The following ATXN7L1 variants were observed in gnomAD, a reference collection of about 807,000 sequenced individuals.
ATXN7L1 encodes ataxin 7 like 1.
In ATXN7L1, 15 loss-of-function variants were observed where a neutral mutation model predicts 70.8. The ratio of observed to expected loss-of-function variants is 0.21; its 90% CI spans 0.14 to 0.33. The LOEUF (loss-of-function observed/expected upper bound fraction) is 0.33, where lower values mean the gene tolerates loss of function less well. ATXN7L1 is among the 10% of genes least tolerant of loss of function. ATXN7L1 has a pLI of 1.00. For missense variants in ATXN7L1, 975 were observed against 1,097.1 expected (o/e 0.89, Z 1.57); for synonymous variants, 440 against 445.1 (o/e 0.99, Z 0.14).
chr7:105,665,104 G>C lies in ATXN7L1; in HGVS notation c.540C>G (p.His180Gln). 18 of 1,551,616 alleles carry C rather than the reference G, an allele frequency of 1.2e-5. No individual in the cohort carries two copies. The highest frequency in any genetic ancestry group is 1.6e-5 in the Non-Finnish European group (18 of 1,146,992). The change falls in exon 4 of 12, where the codon CAC (histidine) becomes CAG (glutamine). Residue 180 changes from histidine to glutamine, a missense_variant. His to Gln is a conservative substitution (Grantham distance 24). Around this residue, in one of 5 missense-constraint regions of ATXN7L1, gnomAD observed 192 missense variants for 215.5 expected, o/e 0.89. Transcript: ENST00000419735. ...DNLLTSSSKQHTVFPAKGSRD... is the reference protein window; with the variant it reads ...DNLLTSSSKQQTVFPAKGSRD... ...TTGATCCTTTCGCAGGAAAGACTGT[G>C]TGCTGTTTGCTGCTGGAGGTAAGTA...
intron 3 of ATXN7L1, chr7:105,761,389 G>C (rs1800520020): frequency 8.7e-6 from 14 of 1,614,004 alleles, no homozygotes; most frequent in Non-Finnish European, 1.1e-5. Flanking sequence ...CACACCTGAT[G>C]CTTCTCTATG....
chr7:105,843,633 G>A (rs1020341632), intron 2 of ATXN7L1, among the ~76,000 whole-genome samples: 3 of 152,200 alleles, frequency 2.0e-5, no homozygotes, highest in African/African-American at 7.2e-5. Flanking sequence ...ACGGGCCACT[G>A]GCCACCACTG....
intron 2 of ATXN7L1, among the ~76,000 whole-genome samples, chr7:105,801,729 G>A (rs981389911): frequency 1.1e-4 from 16 of 152,128 alleles, no homozygotes; most frequent in Admixed American, 3.9e-4. Flanking sequence ...TGCTGGAGCC[G>A]AATGGAACTG....
chr7:105,620,421 A>T, intron 8 of ATXN7L1, 100 bp from the exon 9 acceptor site: 2 of 1,280,028 alleles, frequency 1.6e-6, no homozygotes, highest in South Asian at 3.2e-5. Context: ...ACAAGGGCAC[A>T]GTTTTACTCA....
chr7:105,668,485 T>A (rs1803000795), intron 3 of ATXN7L1, among the ~76,000 whole-genome samples: 1 of 152,146 alleles, frequency 6.6e-6, no homozygotes, highest in Admixed American at 6.5e-5. Flanking sequence ...GCAACCTCCC[T>A]CAAGAGTTTC....
At chr7:105,803,108 C>T (rs960499434) in intron 2 of ATXN7L1, among the ~76,000 whole-genome samples, 4 of 152,246 alleles carry the variant, frequency 2.6e-5, no homozygotes, top group African/African-American at 4.8e-5. Flanking sequence ...GTGTCAAATC[C>T]GTCAGCCAGC....
intron 8 of ATXN7L1, among the ~76,000 whole-genome samples, chr7:105,622,132 G>T (rs1790055): frequency 0.95 from 145,212 of 152,274 alleles, 69,611 homozygotes; most frequent in East Asian, 1. Flanking sequence ...TACAAACAAT[G>T]ATTTAATGTA....
intron 2 of ATXN7L1, among the ~76,000 whole-genome samples, chr7:105,846,753 C>T (rs1814105430): frequency 6.6e-6 from 1 of 152,150 alleles, no homozygotes; most frequent in Admixed American, 6.5e-5. Context: ...GTAGCATATC[C>T]TACAGTGGAA....
At chr7:105,829,565 T>C (rs1811317247) in intron 2 of ATXN7L1, among the ~76,000 whole-genome samples, 1 of 152,168 alleles carries the variant, frequency 6.6e-6, no homozygotes, top group Non-Finnish European at 1.5e-5. Flanking sequence ...AATTTTATGG[T>C]GATTTACTTA....
At chr7:105,659,636 C>A (rs1801262282) in intron 4 of ATXN7L1, among the ~76,000 whole-genome samples, 1 of 152,166 alleles carries the variant, frequency 6.6e-6, no homozygotes, top group Admixed American at 6.5e-5. Context: ...GGACTGAATG[C>A]TGTGGAGACA....
rs541646435 is a variant in ATXN7L1 at position 105,663,733 on chromosome 7, T to C, written c.578+1333A>G. Among the ~76,000 whole-genome samples, 3 of 152,188 alleles carry C rather than the reference T, an allele frequency of 2.0e-5. No homozygotes were observed. In the East Asian group the frequency reaches 5.8e-4, roughly 29 times the overall value. On this transcript the variant is annotated intron_variant, in intron 4 of 11. Transcript: ENST00000419735. ...CCTTTTCTGACTTTTTAGTAAGGGC[T>C]GAGATAACAAAATGAATTAAAAGCC...
intron 7 of ATXN7L1, among the ~76,000 whole-genome samples, chr7:105,635,671 C>CT (rs1230629109): frequency 6.6e-6 from 1 of 152,300 alleles, no homozygotes. Context: ...ACTCAAGTTC[C>CT]TTTTTTAGCA....
At chr7:105,706,275 C>A (rs971705046) in intron 3 of ATXN7L1, among the ~76,000 whole-genome samples, 2 of 139,872 alleles carry the variant, frequency 1.4e-5, no homozygotes, top group Non-Finnish European at 3.2e-5. Flanking sequence ...CCCACTGCAA[C>A]CTCTGCCTCC....
chr7:105,614,690 G>A lies in ATXN7L1; in HGVS notation c.1644C>T (p.Ile548=). ...TGTAAGAAGAGGTGAGCCTCGAGCT[G>A]ATGGGAGCTGAAGGAAGATACACAG... ...PSAVYLPSAP[I]SSRLTSSYIM... is the part of the protein sequence containing the mutation. The change falls in exon 10 of 12, where the codon ATC becomes ATT. Residue 548 remains isoleucine, a synonymous_variant. Transcript: ENST00000419735. This position sits in a 1 kb window ranked among gnomAD's most constrained non-coding sequence, Gnocchi z 4.3. 6.4e-7 allele frequency: 1 copy of A among 1,551,752 alleles called. No individual in the cohort carries two copies. The highest frequency in any genetic ancestry group is 8.7e-7 in the Non-Finnish European group (1 of 1,147,020).
chr7:105,610,222 T>G (rs1413287171), intron 11 of ATXN7L1, among the ~76,000 whole-genome samples: 1 of 152,222 alleles, frequency 6.6e-6, no homozygotes, highest in Admixed American at 6.5e-5. Context: ...CTAACACTTG[T>G]GGGTTTACTG....
rs189727364 is a variant in ATXN7L1 at position 105,655,921 on chromosome 7, T to C, written c.578+9145A>G. On this transcript the variant is annotated intron_variant, in intron 4 of 11. Coordinates refer to ENST00000419735, the MANE Select transcript of ATXN7L1 (RefSeq NM_020725.2). Reference sequence around the variant, plus strand: ...AGGCCAGGGAGCCTGCTGATTTTTCTTTTGCTTTGGCTCATTTTCCTCCTG... The same window carrying C: ...AGGCCAGGGAGCCTGCTGATTTTTCCTTTGCTTTGGCTCATTTTCCTCCTG... Among the ~76,000 whole-genome samples the C allele has an allele frequency of 3.3e-5, 5 of 152,376 alleles. No individual in the cohort carries two copies. The East Asian group carries it at 5.8e-4, about 18-fold the overall frequency.
At chr7:105,752,774 C>G (rs1031402745) in intron 3 of ATXN7L1, among the ~76,000 whole-genome samples, 4 of 152,178 alleles carry the variant, frequency 2.6e-5, no homozygotes, top group Non-Finnish European at 5.9e-5. Context: ...TGCCTTCCTC[C>G]TGTCTGTCTT....
chr7:105,727,647 C>A (rs761909984), intron 3 of ATXN7L1, among the ~76,000 whole-genome samples: 7 of 128,874 alleles, frequency 5.4e-5, no homozygotes, highest in Admixed American at 8.3e-5. Context: ...CCAGCCTGGG[C>A]GACAAGAGTG....
chr7:105,871,182 A>G (rs867102830), intron 2 of ATXN7L1, among the ~76,000 whole-genome samples: 47 of 151,026 alleles, frequency 3.1e-4, no homozygotes, highest in African/African-American at 1.1e-3. Flanking sequence ...TTGGGTTCAG[A>G]GGTCTCAAAG....
Sources: gnomAD v4.1 joint callset for allele counts (sites outside exome capture counted in the v4.1 genomes callset) on GRCh38, gnomAD v4.1.1 for gene constraint, gnomAD v4.1.1 regional missense constraint, Gnocchi (gnomAD v3.1) non-coding constraint, MANE v1.5 for transcripts, NCBI Gene and HGNC (gene_info 2026-07-23, HGNC 2026-07-21) for gene names.